Variants in PPM1B observed in about 807,000 individuals in gnomAD.
The protein encoded by PPM1B is protein phosphatase 1B.
A neutral mutation model predicts 43.0 loss-of-function variants in PPM1B; 22 were observed. That is an observed-to-expected ratio of 0.51 (90% confidence interval 0.37 to 0.73). The LOEUF is 0.73. Among genes scored for constraint, PPM1B ranks in the 30% least tolerant of loss-of-function variants. The pLI, the probability that PPM1B is intolerant of heterozygous loss-of-function variation, is 0.00. For missense variants in PPM1B, 632 were observed against 584.2 expected (o/e 1.08, Z -0.84); for synonymous variants, 217 against 197.9 (o/e 1.10, Z -0.81).
intron 1 of PPM1B, among the ~76,000 whole-genome samples, chr2:44,182,435 A>G (rs1324837959): frequency 2.6e-5 from 4 of 151,618 alleles, no homozygotes; most frequent in African/African-American, 7.3e-5. Context: ...AATTTTTTGT[A>G]TTTTTAGTAG....
chr2:44,232,082 A>G (rs1312201086), downstream of PPM1B, among the ~76,000 whole-genome samples: 2 of 152,210 alleles, frequency 1.3e-5, no homozygotes, highest in Non-Finnish European at 2.9e-5. Context: ...TGCTTTGAGA[A>G]AGGAAGGCAT....
At chr2:44,221,771 A>T (rs576799623) in intron 5 of PPM1B, among the ~76,000 whole-genome samples, 1 of 152,116 alleles carries the variant, frequency 6.6e-6, no homozygotes, top group South Asian at 2.1e-4. Context: ...TATAATTAAG[A>T]CATCTTTTAA....
intron 3 of PPM1B, 30 bp downstream of exon 3, chr2:44,209,357 C>G (rs769532120): frequency 3.5e-5 from 56 of 1,611,518 alleles, no homozygotes; most frequent in Non-Finnish European, 4.7e-5. Flanking sequence ...AAAATATAGA[C>G]AGGCCAGGCA....
intron 1 of PPM1B, among the ~76,000 whole-genome samples, chr2:44,192,121 C>G (rs1668430676): frequency 6.9e-6 from 1 of 145,748 alleles, no homozygotes; most frequent in Non-Finnish European, 1.5e-5. Flanking sequence ...GTTTGATTTT[C>G]TAAACTTTTA....
chr2:44,226,052 T>C lies in PPM1B; in HGVS notation c.1135-4361T>C, dbSNP rs545675731. ...GTGCAGTGGTGCCATCTCAGCTCAC[T>C]GCAAGCTCCGTCTCCCAGGTTCACG... On this transcript the variant is annotated intron_variant, in intron 5 of 5. Transcript: ENST00000282412. Among the ~76,000 whole-genome samples the C allele has an allele frequency of 6.6e-5, 10 of 150,816 alleles. No homozygotes were observed. The South Asian group carries it at 2.1e-3, about 32-fold the overall frequency.
At chr2:44,242,177 TA>T (rs1670764650) in intron 5 of PPM1B, among the ~76,000 whole-genome samples, 1 of 152,172 alleles carries the variant, frequency 6.6e-6, no homozygotes, top group African/African-American at 2.4e-5. Flanking sequence ...TCTTAAATGT[TA>T]ACAAAACATT....
intron 5 of PPM1B, among the ~76,000 whole-genome samples, chr2:44,226,971 T>TATTTATTTATTTATGA (rs756776044): frequency 3.5e-5 from 5 of 142,548 alleles, no homozygotes; most frequent in South Asian, 2.2e-4. Flanking sequence ...TTTATTTATT[T>TATTTATTTATTTATGA]ATGAATGAAT....
At chr2:44,243,662 G>A (rs1476986153) in intron 5 of PPM1B, among the ~76,000 whole-genome samples, 2 of 152,064 alleles carry the variant, frequency 1.3e-5, no homozygotes, top group Admixed American at 1.3e-4. Context: ...ACATATTCAT[G>A]TATATGCTTG....
At chr2:44,172,424 A>G (rs1289084934) in intron 1 of PPM1B, among the ~76,000 whole-genome samples, 1 of 152,206 alleles carries the variant, frequency 6.6e-6, no homozygotes, top group Non-Finnish European at 1.5e-5. Flanking sequence ...GCTGTCATAA[A>G]ATTTGCAGAA....
At chr2:44,181,078 G>A (rs1157620182) in intron 1 of PPM1B, among the ~76,000 whole-genome samples, 4 of 151,976 alleles carry the variant, frequency 2.6e-5, no homozygotes, top group South Asian at 2.1e-4. Context: ...CCAAGCAGCC[G>A]GGACCACGGA....
At chr2:44,209,756 A>C (rs1172176822) in intron 3 of PPM1B, among the ~76,000 whole-genome samples, 2 of 150,870 alleles carry the variant, frequency 1.3e-5, no homozygotes, top group East Asian at 1.9e-4. Context: ...CAGCCTGGGC[A>C]ACAGAGTGAG....
intron 1 of PPM1B, among the ~76,000 whole-genome samples, chr2:44,186,544 G>GT (rs879261206): frequency 2.3e-3 from 336 of 145,960 alleles, no homozygotes; most frequent in Non-Finnish European, 2.6e-3. Context: ...AATTTTTGAA[G>GT]TTTTTTTTTT....
chr2:44,234,447 A>G (rs909827049), downstream of PPM1B: 11 of 662,072 alleles, frequency 1.7e-5, no homozygotes, highest in Admixed American at 6.9e-5. Context: ...TGAACCCAGG[A>G]GGCGGAGGTT....
chr2:44,199,303 C>CAA lies in PPM1B; in HGVS notation c.-14-1870_-14-1869dup, dbSNP rs1339815695. On this transcript the variant is annotated intron_variant, in intron 1 of 5. Coordinates refer to ENST00000282412, the MANE Select transcript of PPM1B (RefSeq NM_002706.6). Reference sequence around the variant, plus strand: ...TGTGGTGGCACGTGCCTGTAGATCTCAAAAAAAAAAAAAATAAAAATAAAA... The same window carrying CAA: ...TGTGGTGGCACGTGCCTGTAGATCTCAAAAAAAAAAAAAAAATAAAAATAAAA... Among the ~76,000 whole-genome samples, 307 of 66,866 alleles carry CAA rather than the reference C, an allele frequency of 4.6e-3. 1 individual carries two copies. The highest frequency in any genetic ancestry group is 0.018 in the African/African-American group (289 of 15,700). 43.9% of individuals were successfully genotyped at this position (66,866 alleles called of 152,430 possible). A position where few individuals can be genotyped will look rare whatever the true frequency, so the allele number is the denominator to read the frequency against.
At chr2:44,217,173 G>A (rs570497293) in intron 3 of PPM1B, among the ~76,000 whole-genome samples, 9 of 152,104 alleles carry the variant, frequency 5.9e-5, no homozygotes, top group Non-Finnish European at 1.3e-4. Flanking sequence ...GCCGAGGTGG[G>A]TGGATCACCT....
At chr2:44,199,244 C>T (rs146463178) in intron 1 of PPM1B, among the ~76,000 whole-genome samples, 2 of 132,854 alleles carry the variant, frequency 1.5e-5, no homozygotes, top group South Asian at 2.4e-4. Flanking sequence ...GGCGATAAAG[C>T]GAGATTCCAT....
chr2:44,193,173 C>T (rs954413185), intron 1 of PPM1B, among the ~76,000 whole-genome samples: 3 of 152,184 alleles, frequency 2.0e-5, no homozygotes, highest in African/African-American at 7.2e-5. Flanking sequence ...TAATAATTTA[C>T]ATAACCACCA....
chr2:44,182,186 G>A (rs920049621), intron 1 of PPM1B, among the ~76,000 whole-genome samples: 2 of 152,116 alleles, frequency 1.3e-5, no homozygotes, highest in South Asian at 2.1e-4. Context: ...ATGTTATATC[G>A]TGAGAAACAT....
chr2:44,243,637 A>G (rs1670796730), intron 5 of PPM1B, among the ~76,000 whole-genome samples: 2 of 152,092 alleles, frequency 1.3e-5, no homozygotes, highest in South Asian at 4.1e-4. Context: ...TCATTATTTG[A>G]AGTTGTCCTT....
Sources: gnomAD v4.1 joint callset for allele counts (sites outside exome capture counted in the v4.1 genomes callset) on GRCh38, gnomAD v4.1.1 for gene constraint, MANE v1.5 for transcripts, NCBI Gene and HGNC (gene_info 2026-07-23, HGNC 2026-07-21) for gene names.